The following IFIH1 variants were observed in gnomAD, a reference collection of about 807,000 sequenced individuals.
The protein encoded by IFIH1 is interferon-induced helicase C domain-containing protein 1.
In IFIH1, 125 loss-of-function variants were observed where a neutral mutation model predicts 107.4. The ratio of observed to expected loss-of-function variants is 1.16; its 90% CI spans 1.01 to 1.35. IFIH1 has a LOEUF of 1.35. Among genes scored for constraint, IFIH1 ranks in the 40% most tolerant of loss-of-function variants. The pLI is 0.00. For synonymous variants in IFIH1, 458 were observed against 413.2 expected (o/e 1.11, Z -1.31); for missense variants, 1,333 against 1,213.7 (o/e 1.10, Z -1.46).
chr2:162,293,791 C>A lies in IFIH1; in HGVS notation c.770-123G>T, dbSNP rs980528607. The stretch of plus-strand genomic sequence containing the variant: ...TTCAAGTGGGGAAGGCACACCCAGA[C>A]AATTATGAATAAAAGGTAAGCGCTT... On this transcript the variant is annotated intron_variant, in intron 3 of 15. Transcript: ENST00000649979. 6.5e-5 allele frequency: 37 copies of A among 569,448 alleles called. No homozygotes were observed. The Admixed American group carries it at 9.6e-4, about 15-fold the overall frequency. The allele number at this position is 569,448 out of a possible 1,614,324, so 35.3% of individuals were successfully genotyped here.
intron 4 of IFIH1, among the ~76,000 whole-genome samples, chr2:162,289,738 T>C (rs1055536506): frequency 6.6e-6 from 1 of 151,902 alleles, no homozygotes; most frequent in Non-Finnish European, 1.5e-5. Flanking sequence ...AATTTGCCTT[T>C]TGTATGGATG....
chr2:162,272,666 C>T (rs76801493), intron 12 of IFIH1, among the ~76,000 whole-genome samples: 646 of 152,230 alleles, frequency 4.2e-3, no homozygotes, highest in Non-Finnish European at 7.6e-3. Context: ...GCTTTTTGCT[C>T]TCAGAACTTC....
chr2:162,285,951 T>C (rs1682885663), intron 5 of IFIH1, among the ~76,000 whole-genome samples: 1 of 152,026 alleles, frequency 6.6e-6, no homozygotes, highest in African/African-American at 2.4e-5. Flanking sequence ...TTTGATTCTA[T>C]GACAAGGTCC....
chr2:162,268,418 G>A, intron 13 of IFIH1, 141 bp from the exon 14 acceptor site: 1 of 564,250 alleles, frequency 1.8e-6, no homozygotes, highest in Non-Finnish European at 3.1e-6. Flanking sequence ...AAATAATGAG[G>A]TAATGACCCC....
chr2:162,310,952 A>G lies in IFIH1; in HGVS notation c.454-19T>C, dbSNP rs753957321. 20 of 1,599,126 alleles carry G rather than the reference A, an allele frequency of 1.3e-5. No individual in the cohort carries two copies. The highest frequency in any genetic ancestry group is 1.7e-5 in the Non-Finnish European group (20 of 1,169,448). On this transcript the variant is annotated intron_variant, in intron 1 of 15. Coordinates refer to ENST00000649979, the MANE Select transcript of IFIH1 (RefSeq NM_022168.4). ...CAGCAATCTGTTGTAAGAGAAAATT[A>G]GAATTAAGTAAGATCAAACATCTTC...
At chr2:162,310,643 G>A (rs1191541964) in intron 2 of IFIH1, 122 bp downstream of exon 2, 4 of 730,108 alleles carry the variant, frequency 5.5e-6, no homozygotes, top group African/African-American at 3.5e-5. Context: ...TATCACATAT[G>A]TTCCACTCTT....
At chr2:162,297,139 G>T (rs1449889075) in intron 3 of IFIH1, among the ~76,000 whole-genome samples, 1 of 151,990 alleles carries the variant, frequency 6.6e-6, no homozygotes, top group African/African-American at 2.4e-5. Flanking sequence ...TTTAAAAACC[G>T]TATTACACAC....
Position 162,306,742 on chromosome 2 carries a change from C to A in IFIH1, c.736G>T (p.Glu246Ter), listed in dbSNP as rs373854773. 30 of 1,613,776 alleles carry A rather than the reference C, an allele frequency of 1.9e-5. No individual in the cohort carries two copies. The highest frequency in any genetic ancestry group is 2.5e-5 in the Non-Finnish European group (30 of 1,179,888). Residue 246 changes from glutamate (E) to a stop codon, truncating the protein, a stop_gained, in exon 3 of 16, where the codon GAA becomes TAA. Transcript: ENST00000649979. LOFTEE classifies it high-confidence loss of function. ...ACAGAAGAATCTGCAAAAGATGATTCTGATGAGTTATTCTCCATGCCCCAG... is the reference window on the plus strand; with the variant it reads ...ACAGAAGAATCTGCAAAAGATGATTATGATGAGTTATTCTCCATGCCCCAG... ...EVWGMENNSS[E>*]SSFADSSVVS...
At chr2:162,292,619 A>G (rs1257695820) in intron 4 of IFIH1, among the ~76,000 whole-genome samples, 1 of 151,860 alleles carries the variant, frequency 6.6e-6, no homozygotes. Flanking sequence ...GATAATCTGA[A>G]TTATATAATA....
chr2:162,311,976 A>G (rs1304447488), intron 1 of IFIH1, among the ~76,000 whole-genome samples: 1 of 152,178 alleles, frequency 6.6e-6, no homozygotes, highest in African/African-American at 2.4e-5. Context: ...CTCAGATATT[A>G]AAGAAAAAGT....
chr2:162,294,029 A>G (rs1314782585), intron 3 of IFIH1, among the ~76,000 whole-genome samples: 1 of 151,992 alleles, frequency 6.6e-6, no homozygotes. Flanking sequence ...AAAATAATAC[A>G]TAGAAACCTT....
chr2:162,288,184 T>C lies in IFIH1; in HGVS notation c.1046A>G (p.Lys349Arg), dbSNP rs72650664. 2.6e-3 allele frequency: 4,123 copies of C among 1,612,674 alleles called. 39 individuals carry two copies. Among genetic ancestry groups the C allele is most frequent in the South Asian group, 0.02 (1,813 of 91,062 alleles). The change falls in exon 5 of 16, where the codon AAG becomes AGG. Residue 349 changes from lysine (K) to arginine (R), a missense_variant. By Grantham distance (26) the Lys-to-Arg change is conservative. Transcript: ENST00000649979. Reference protein sequence around the residue: ...AVYIAKDHLDKKKKASEPGKV... With the variant: ...AVYIAKDHLDRKKKASEPGKV... The stretch of plus-strand genomic sequence containing the variant: ...TCCAGGCTCAGATGCTTTTTTCTTC[T>C]TGTCTAAGTGATCCTTGGCAATGTA...
chr2:162,300,524 T>A (rs989616934), intron 3 of IFIH1, among the ~76,000 whole-genome samples: 4 of 152,202 alleles, frequency 2.6e-5, no homozygotes, highest in Non-Finnish European at 5.9e-5. Flanking sequence ...TACCTCATGC[T>A]AGGTTTCAAA....
intron 1 of IFIH1, among the ~76,000 whole-genome samples, chr2:162,317,410 C>T (rs1375291800): frequency 6.6e-6 from 1 of 152,196 alleles, no homozygotes; most frequent in Admixed American, 6.5e-5. Flanking sequence ...ACATTCAACA[C>T]TATCACAAGC....
chr2:162,272,610 G>A (rs1040815517), intron 12 of IFIH1, among the ~76,000 whole-genome samples: 3 of 152,246 alleles, frequency 2.0e-5, no homozygotes, highest in Admixed American at 2.0e-4. Flanking sequence ...AAGTGTTCTA[G>A]AGTGATGATG....
At chr2:162,310,974 C>T (rs1330313446) in intron 1 of IFIH1, 41 bp from the exon 2 acceptor site, 1 of 1,504,758 alleles carries the variant, frequency 6.6e-7, no homozygotes, top group Non-Finnish European at 9.2e-7. Flanking sequence ...GATCAAACAT[C>T]TTCTGAATAA....
chr2:162,309,599 C>A (rs188226787), intron 2 of IFIH1, among the ~76,000 whole-genome samples: 15 of 152,296 alleles, frequency 9.8e-5, no homozygotes, highest in Admixed American at 8.5e-4. Context: ...TATAATATAT[C>A]TCTACTCCTA....
chr2:162,279,705 C>A (rs1453888985), intron 8 of IFIH1, among the ~76,000 whole-genome samples: 2 of 151,892 alleles, frequency 1.3e-5, no homozygotes, highest in Admixed American at 1.3e-4. Context: ...CATAACCCCT[C>A]CAGCTTAGTT....
Position 162,317,958 on chromosome 2 carries a change from A to T in IFIH1, c.350T>A (p.Leu117Gln). The T allele has an allele frequency of 6.2e-7, 1 of 1,614,178 alleles. No individual in the cohort carries two copies. The highest frequency in any genetic ancestry group is 8.5e-7 in the Non-Finnish European group (1 of 1,180,022). ...CAGAGTGGGCTGAAGGAGGTTCAGC[A>T]GTTGGAGATATTCATCATGAGCGTT... is the stretch of plus-strand genomic sequence containing the variant. ...FENAHDEYLQ[L>Q]LNLLQPTLVD... The change falls in exon 1 of 16, where the codon CTG (leucine) becomes CAG (glutamine). Residue 117 changes from leucine (L) to glutamine (Q), a missense_variant. Physicochemically the swap from Leu to Gln is moderately radical, Grantham distance 113. Coordinates refer to ENST00000649979, the MANE Select transcript of IFIH1 (RefSeq NM_022168.4).
Sources: allele counts gnomAD v4.1 joint callset (sites outside exome capture counted in the v4.1 genomes callset), GRCh38; gene constraint gnomAD v4.1.1; transcripts MANE v1.5; gene names NCBI Gene and HGNC (gene_info 2026-07-23, HGNC 2026-07-21).